The following ANGPT4 variants were observed in gnomAD, a reference collection of about 807,000 sequenced individuals.
ANGPT4 encodes angiopoietin 4.
ANGPT4 carries 50 observed loss-of-function variants against 53.0 expected under a neutral mutation model. The observed-to-expected ratio is 0.94, with a 90% confidence interval of 0.75 to 1.20. The LOEUF is 1.20. Ranked by LOEUF, ANGPT4 falls within the 50% of genes most tolerant of loss-of-function variation. The pLI is 0.00. For missense variants in ANGPT4, 648 were observed against 637.1 expected, an observed-to-expected ratio of 1.02 and a Z score of -0.18; for synonymous variants, 251 against 259.7, an observed-to-expected ratio of 0.97 and a Z score of 0.32.
chr20:878,447 C>T (rs971992935), intron 6 of ANGPT4, 120 bp from the exon 7 acceptor site: 17 of 1,004,084 alleles, frequency 1.7e-5, no homozygotes, highest in East Asian at 2.7e-5. Context: ...GCTTAATGAT[C>T]GAGTTCATAA....
intron 1 of ANGPT4, among the ~76,000 whole-genome samples, chr20:906,361 ATGAGTG>A (rs1982480388): frequency 6.6e-6 from 1 of 152,276 alleles, no homozygotes; most frequent in Middle Eastern, 3.4e-3. Context: ...AAGCCTTCAG[ATGAGTG>A]CAGCCCTAGC....
chr20:879,614 T>A (rs1385417326), intron 6 of ANGPT4, 133 bp downstream of exon 6: 3 of 531,664 alleles, frequency 5.6e-6, no homozygotes, highest in Non-Finnish European at 6.4e-6. Context: ...ATAAAGCAGA[T>A]GTGCACTGTC....
At chr20:893,641 C>A (rs1448470551) in intron 1 of ANGPT4, among the ~76,000 whole-genome samples, 1 of 152,134 alleles carries the variant, frequency 6.6e-6, no homozygotes, top group Non-Finnish European at 1.5e-5. Context: ...GCCATCTCTG[C>A]ATGGTTTCCA....
At chr20:873,186 C>A in intron 8 of ANGPT4, 66 bp from the exon 9 acceptor site, 3 of 1,559,462 alleles carry the variant, frequency 1.9e-6, no homozygotes, top group Non-Finnish European at 2.6e-6. Context: ...AGAGGGCAGC[C>A]CCTGTGTCCC....
chr20:873,347 C>T (rs556105431), intron 8 of ANGPT4, among the ~76,000 whole-genome samples: 30 of 152,228 alleles, frequency 2.0e-4, no homozygotes, highest in Admixed American at 1.9e-3. Flanking sequence ...GGCCACTCCT[C>T]GAGCCCCCTT....
chr20:877,544 T>C (rs1268188853), intron 7 of ANGPT4, among the ~76,000 whole-genome samples: 1 of 152,174 alleles, frequency 6.6e-6, no homozygotes, highest in Non-Finnish European at 1.5e-5. Context: ...CAAAGTGTTG[T>C]GGGGAAGATT....
rs1982586370 is a variant in ANGPT4 at position 908,856 on chromosome 20, T to C, written c.309+7050A>G. 6.6e-6 allele frequency among the ~76,000 whole-genome samples: 1 copy of C among 152,150 alleles called. No homozygotes were observed. The highest frequency in any genetic ancestry group is 2.4e-5 in the African/African-American group (1 of 41,434). Reference sequence around the variant, plus strand: ...AAGGATGCATGATTTTTTCATGACATTTATGGCATGCTATGTATCTTGTTG... The same window carrying C: ...AAGGATGCATGATTTTTTCATGACACTTATGGCATGCTATGTATCTTGTTG... On this transcript the variant is annotated intron_variant, in intron 1 of 8. Coordinates refer to ENST00000381922, the MANE Select transcript of ANGPT4 (RefSeq NM_015985.4). This position sits in a 1 kb window ranked among gnomAD's most constrained non-coding sequence, Gnocchi z 4.9.
intron 6 of ANGPT4, 121 bp from the exon 7 acceptor site, chr20:878,448 G>A (rs981679504): frequency 2.1e-6 from 2 of 966,904 alleles, no homozygotes; most frequent in Non-Finnish European, 3.0e-6. Flanking sequence ...CTTAATGATC[G>A]AGTTCATAAG....
chr20:905,930 T>C (rs1175890717), intron 1 of ANGPT4, among the ~76,000 whole-genome samples: 1 of 152,168 alleles, frequency 6.6e-6, no homozygotes, highest in Non-Finnish European at 1.5e-5. Flanking sequence ...AAGGAAGGCA[T>C]TGAGAAGATG....
At chr20:881,389 G>A in intron 4 of ANGPT4, 103 bp from the exon 5 acceptor site, 1 of 1,000,754 alleles carries the variant, frequency 1.0e-6, no homozygotes, top group Non-Finnish European at 1.6e-6. Context: ...TGGGTTGGGA[G>A]GTGCTGGGGA....
Position 878,203 on chromosome 20 carries a change from T to A in ANGPT4, c.1178A>T (p.Gln393Leu). The A allele has an allele frequency of 6.2e-7, 1 of 1,608,686 alleles. No individual in the cohort carries two copies. The highest frequency in any genetic ancestry group is 8.5e-7 in the Non-Finnish European group (1 of 1,175,526). The change falls in exon 7 of 9, where the codon CAG (glutamine) becomes CTG (leucine). Residue 393 changes from glutamine to leucine, a missense_variant. By Grantham distance (113) the Gln-to-Leu change is moderately radical. Transcript: ENST00000381922. ...ACTGCCCAGGTGGAAATGTTCGTAC[T>A]GGGCATAGGCCTCGTGGCCTTCCCA... ...QDWEGHEAYAQYEHFHLGSEN... is the reference protein window; with the variant it reads ...QDWEGHEAYALYEHFHLGSEN...
intron 1 of ANGPT4, among the ~76,000 whole-genome samples, chr20:909,226 C>T (rs487473): frequency 0.18 from 26,962 of 152,104 alleles, 2,405 homozygotes; most frequent in South Asian, 0.23. Context: ...ATATAAAGTG[C>T]CTGGCCCAGA....
At chr20:893,037 G>C (rs1051240288) in intron 1 of ANGPT4, among the ~76,000 whole-genome samples, 2 of 152,186 alleles carry the variant, frequency 1.3e-5, no homozygotes, top group Non-Finnish European at 2.9e-5. Context: ...CTACACGGCA[G>C]GGCCCCCATG....
rs1982675411 is a variant in ANGPT4, at chr20:911,061, G to C, written c.309+4845C>G. ...TCATTTCTTGTTTGGATAACTGAAG[G>C]CTGAAAATGCCAAGAATTTGTGGGC... On this transcript the variant is annotated intron_variant, in intron 1 of 8. Coordinates refer to ENST00000381922, the MANE Select transcript of ANGPT4 (RefSeq NM_015985.4). The surrounding 1 kb of genome is among the most constrained non-coding windows in gnomAD (Gnocchi z 4.9). Among the ~76,000 whole-genome samples the C allele has an allele frequency of 6.6e-6, 1 of 152,104 alleles. No homozygotes were observed. The highest frequency in any genetic ancestry group is 2.4e-5 in the African/African-American group (1 of 41,430).
chr20:879,465 CT>C (rs994295145), intron 6 of ANGPT4, among the ~76,000 whole-genome samples: 2 of 152,066 alleles, frequency 1.3e-5, no homozygotes, highest in African/African-American at 4.8e-5. Flanking sequence ...CTGTCTCCTC[CT>C]TTGTATTCTT....
Position 914,262 on chromosome 20 carries a change from G to GA in ANGPT4, c.309+1643dup, listed in dbSNP as rs959885339. 2.0e-4 allele frequency among the ~76,000 whole-genome samples: 30 copies of GA among 150,710 alleles called. No homozygotes were observed. The highest frequency in any genetic ancestry group is 5.8e-4 in the East Asian group (3 of 5,148). On this transcript the variant is annotated intron_variant, in intron 1 of 8. Coordinates refer to ENST00000381922, the MANE Select transcript of ANGPT4 (RefSeq NM_015985.4). This position sits in a 1 kb window ranked among gnomAD's most constrained non-coding sequence, Gnocchi z 5.0. ...AACATTAGGTAGGGATAAGTTCTAAGAAAAAAAAACACAACAAAGCCAGCA... is the reference window on the plus strand; with the variant it reads ...AACATTAGGTAGGGATAAGTTCTAAGAAAAAAAAAACACAACAAAGCCAGCA...
intron 1 of ANGPT4, among the ~76,000 whole-genome samples, chr20:904,253 G>C (rs911650328): frequency 6.6e-6 from 1 of 152,162 alleles, no homozygotes; most frequent in Non-Finnish European, 1.5e-5. Context: ...CCAGAGAAAC[G>C]CTATGCATAC....
At chr20:910,142 C>G (rs564781061) in intron 1 of ANGPT4, among the ~76,000 whole-genome samples, 1 of 152,308 alleles carries the variant, frequency 6.6e-6, no homozygotes, top group East Asian at 1.9e-4. Context: ...CTGAATCTGA[C>G]TTTGCCCTTC....
chr20:873,135 A>G lies in ANGPT4; in HGVS notation c.1352-15T>C, dbSNP rs1981013816. The G allele has an allele frequency of 6.2e-7, 1 of 1,612,812 alleles. No homozygotes were observed. Among genetic ancestry groups the G allele is most frequent in the Non-Finnish European group, 8.5e-7 (1 of 1,179,562 alleles). ...AAACCACCACCCTGGTGGAAGAGGG[A>G]GGACAGGCGCTTGGTGGAGGTGGGA... On this transcript the variant is annotated splice_polypyrimidine_tract_variant and intron_variant, in intron 8 of 8. Coordinates refer to ENST00000381922, the MANE Select transcript of ANGPT4 (RefSeq NM_015985.4).
Sources: gnomAD v4.1 joint callset for allele counts (sites outside exome capture counted in the v4.1 genomes callset) on GRCh38, gnomAD v4.1.1 for gene constraint, Gnocchi (gnomAD v3.1) non-coding constraint, MANE v1.5 for transcripts, NCBI Gene and HGNC (gene_info 2026-07-23, HGNC 2026-07-21) for gene names.